PHF8: variants seen among roughly 807,000 people sequenced by gnomAD.
PHF8 encodes histone lysine demethylase PHF8.
PHF8 carries 9 observed loss-of-function variants against 74.4 expected under a neutral mutation model. That is an observed-to-expected ratio of 0.12 (90% CI 0.07 to 0.21). The LOEUF (loss-of-function observed/expected upper bound fraction) is 0.21, where lower values mean the gene tolerates loss of function less well. Among genes scored for constraint, PHF8 ranks in the 10% least tolerant of loss-of-function variants. The pLI is 1.00. For synonymous variants in PHF8, 311 were observed against 316.6 expected (o/e 0.98, Z 0.19); for missense variants, 478 against 816.6 (o/e 0.59, Z 5.05).
upstream of PHF8, chrX:54,044,733 A>G: frequency 2.0e-6 from 1 of 489,600 alleles, no homozygotes; most frequent in Non-Finnish European, 3.3e-6. Context: ...GCAAACAGGG[A>G]GTTCAGCTAC....
chrX:53,943,387 G>C lies in PHF8; in HGVS notation c.2649+747C>G, dbSNP rs945323901. 6 of 969,179 alleles carry C rather than the reference G, an allele frequency of 6.2e-6. No homozygotes were observed. The highest frequency in any genetic ancestry group is 8.6e-6 in the Non-Finnish European group (6 of 700,842). 79.9% of individuals were successfully genotyped at this position (969,179 alleles called of 1,213,427 possible). A position where few individuals can be genotyped will look rare whatever the true frequency, so the allele number is the denominator to read the frequency against. ...TATTATCCTGAGTCAGTTAATGAGAGCTTCATTTTCTTCACCTATAAAATG... is the reference window on the plus strand; with the variant it reads ...TATTATCCTGAGTCAGTTAATGAGACCTTCATTTTCTTCACCTATAAAATG... On this transcript the variant is annotated intron_variant, in intron 20 of 21. Coordinates refer to ENST00000338154, the MANE Select transcript of PHF8 (RefSeq NM_015107.3).
chrX:54,018,108 T>C (rs2066102670), intron 4 of PHF8, among the ~76,000 whole-genome samples: 1 of 111,777 alleles, frequency 8.9e-6, no homozygotes, highest in Admixed American at 9.6e-5. Context: ...TCTGACAAGT[T>C]TGACAGATTT....
chrX:54,012,029 T>C (rs1186557977), intron 7 of PHF8, among the ~76,000 whole-genome samples: 1 of 111,292 alleles, frequency 9.0e-6, no homozygotes, highest in African/African-American at 3.3e-5. Context: ...GTCTGTAGAT[T>C]AGGTACTAGT....
chrX:54,031,482 C>T (rs1409283959), intron 2 of PHF8, among the ~76,000 whole-genome samples: 1 of 109,018 alleles, frequency 9.2e-6, no homozygotes, highest in Admixed American at 9.9e-5. Context: ...GGAAGTGTCT[C>T]CTTTATGAGT....
At chrX:54,012,225 A>AT (rs1286467637) in intron 7 of PHF8, among the ~76,000 whole-genome samples, 4 of 111,494 alleles carry the variant, frequency 3.6e-5, no homozygotes, top group Non-Finnish European at 7.5e-5. Flanking sequence ...TAACCATTTT[A>AT]TTGTGTTTGC....
In PHF8 at chrX:53,992,904, T is replaced by A. The variant is rs2065689604; in HGVS notation, c.1627-65A>T. ...TCCCATGGGAATCACGATGGCAAGT[T>A]CCCTCTGGTTTCACTGGTTCAGTTC... On this transcript the variant is annotated intron_variant, in intron 13 of 21. Transcript: ENST00000338154. 7 of 746,012 alleles carry A rather than the reference T, an allele frequency of 9.4e-6. No homozygotes were observed. In the East Asian group the frequency reaches 2.3e-4, roughly 25 times the overall value. The allele number at this position is 746,012 out of a possible 1,213,427, so 61.5% of individuals were successfully genotyped here.
intron 7 of PHF8, among the ~76,000 whole-genome samples, chrX:54,012,727 G>A (rs1557107054): frequency 9.0e-6 from 1 of 111,069 alleles, no homozygotes; most frequent in African/African-American, 3.3e-5. Flanking sequence ...CTGGAGCTCA[G>A]GAGTTTGAGA....
intron 19 of PHF8, among the ~76,000 whole-genome samples, chrX:53,950,918 T>A (rs2064913179): frequency 1.8e-5 from 2 of 111,348 alleles, no homozygotes; most frequent in African/African-American, 6.5e-5. Flanking sequence ...AGAAAAAAAA[T>A]CAATCAGTGG....
intron 2 of PHF8, among the ~76,000 whole-genome samples, chrX:54,027,606 T>C (rs1247583478): frequency 1.8e-5 from 2 of 111,545 alleles, no homozygotes; most frequent in Non-Finnish European, 3.8e-5. Flanking sequence ...CAATAAGTAC[T>C]TCTCTGCTTT....
At chrX:53,997,714 T>C (rs1467106865) in intron 11 of PHF8, among the ~76,000 whole-genome samples, 1 of 111,886 alleles carries the variant, frequency 8.9e-6, no homozygotes, top group Non-Finnish European at 1.9e-5. Flanking sequence ...TCATGAGTGC[T>C]TGGGCCACAC....
At position 54,044,436 on chromosome X, in the gene PHF8, C is replaced by A; in HGVS notation, c.-767G>T. On this transcript the variant is annotated 5_prime_UTR_variant, in exon 1 of 22. Coordinates refer to ENST00000338154, the MANE Select transcript of PHF8 (RefSeq NM_015107.3). The stretch of plus-strand genomic sequence containing the variant: ...AGAGTGGCGGCGCTACCCAGACAAC[C>A]AAGGCGACCGCCATCTTATGAGGGC... 1.3e-6 allele frequency: 1 copy of A among 752,933 alleles called. No individual in the cohort carries two copies. Among genetic ancestry groups the A allele is most frequent in the Admixed American group, 8.5e-5 (1 of 11,775 alleles). The allele number at this position is 752,933 out of a possible 1,213,427, so 62.1% of individuals were successfully genotyped here. A position where few individuals can be genotyped will look rare whatever the true frequency, so the allele number is the denominator to read the frequency against.
At position 54,042,530 on chromosome X, in the gene PHF8, G is replaced by A. The variant is rs952874279; in HGVS notation, c.98+101C>T. Reference sequence around the variant, plus strand: ...GGCAGAACCTGAGTCTGGGAGAGGGGGTCCTGAGCCGGAATCTAAAAACAG... The same window carrying A: ...GGCAGAACCTGAGTCTGGGAGAGGGAGTCCTGAGCCGGAATCTAAAAACAG... On this transcript the variant is annotated intron_variant, in intron 2 of 21. Transcript: ENST00000338154. The A allele has an allele frequency of 3.0e-4, 207 of 696,702 alleles. 1 individual carries two copies. The highest frequency in any genetic ancestry group is 7.0e-4 in the Middle Eastern group (2 of 2,847). 57.4% of individuals were successfully genotyped at this position (696,702 alleles called of 1,213,427 possible).
At chrX:53,990,134 A>G (rs1194123349) in intron 14 of PHF8, among the ~76,000 whole-genome samples, 1 of 111,912 alleles carries the variant, frequency 8.9e-6, no homozygotes, top group Non-Finnish European at 1.9e-5. Context: ...CAGGCAATAC[A>G]GCAAGACCCT....
At chrX:54,028,803 C>G (rs2066309445) in intron 2 of PHF8, among the ~76,000 whole-genome samples, 2 of 112,029 alleles carry the variant, frequency 1.8e-5, no homozygotes, top group Admixed American at 9.5e-5. Context: ...TCTCCCTCCA[C>G]TATACCCTGA....
intron 12 of PHF8, among the ~76,000 whole-genome samples, chrX:53,994,920 T>C (rs1335569648): frequency 8.9e-6 from 1 of 112,579 alleles, no homozygotes; most frequent in Non-Finnish European, 1.9e-5. Flanking sequence ...CTCTTTGCTA[T>C]TAAAGTCTAC....
At chrX:53,975,084 C>T (rs1467356166) in intron 18 of PHF8, among the ~76,000 whole-genome samples, 1 of 112,110 alleles carries the variant, frequency 8.9e-6, no homozygotes, top group African/African-American at 3.2e-5. Context: ...AAATGTCCAA[C>T]AGGTATATGG....
intron 7 of PHF8, among the ~76,000 whole-genome samples, chrX:54,013,167 T>C (rs1191715237): frequency 1.8e-5 from 2 of 111,180 alleles, no homozygotes; most frequent in Non-Finnish European, 3.8e-5. Flanking sequence ...ATCTGAACAA[T>C]GGTGAAAACC....
At chrX:54,001,931 C>A (rs112417539) in intron 10 of PHF8, among the ~76,000 whole-genome samples, 1 of 109,854 alleles carries the variant, frequency 9.1e-6, no homozygotes, top group African/African-American at 3.3e-5. Context: ...AGAAGGGGCT[C>A]GGGGCTGGGC....
At chrX:54,036,571 CAAAAAA>C (rs1160936317) in intron 2 of PHF8, among the ~76,000 whole-genome samples, 2 of 6,191 alleles carry the variant, frequency 3.2e-4, no homozygotes, top group Non-Finnish European at 7.1e-4. Flanking sequence ...GACACTGTCT[CAAAAAA>C]AAAAAAAAAA....
Sources: allele counts gnomAD v4.1 joint callset (sites outside exome capture counted in the v4.1 genomes callset), GRCh38; gene constraint gnomAD v4.1.1; transcripts MANE v1.5; gene names NCBI Gene and HGNC (gene_info 2026-07-23, HGNC 2026-07-21).